ZMYND12: variants seen among roughly 807,000 people sequenced by gnomAD.
The protein encoded by ZMYND12 is zinc finger MYND domain-containing protein 12.
A neutral mutation model predicts 41.7 loss-of-function variants in ZMYND12; 32 were observed. The observed-to-expected ratio is 0.77, with a 90% CI of 0.58 to 1.03. The LOEUF is 1.03. Ranked by LOEUF, ZMYND12 falls within the 50% of genes least tolerant of loss-of-function variation. The probability of loss-of-function intolerance (pLI) is 0.00; values close to 1 mark genes in which losing one functional copy is unlikely to be tolerated. For missense variants in ZMYND12, 424 were observed against 438.5 expected, an observed-to-expected ratio of 0.97 and a Z score of 0.30; for synonymous variants, 148 against 164.8, an observed-to-expected ratio of 0.90 and a Z score of 0.78.
intron 3 of ZMYND12, among the ~76,000 whole-genome samples, 162 bp from the exon 4 acceptor site, chr1:42,440,187 TAA>T (rs56897340): frequency 3.0e-5 from 4 of 133,528 alleles, no homozygotes; most frequent in African/African-American, 5.5e-5. Flanking sequence ...TTTGGAAGAG[TAA>T]AAAAAAAAAA....
intron 3 of ZMYND12, among the ~76,000 whole-genome samples, chr1:42,447,155 G>T (rs1209393201): frequency 6.6e-6 from 1 of 152,188 alleles, no homozygotes; most frequent in African/African-American, 2.4e-5. Context: ...TAACATTACA[G>T]GGAGGAAGAC....
chr1:42,438,736 G>T (rs1388320896), intron 4 of ZMYND12, among the ~76,000 whole-genome samples: 2 of 152,154 alleles, frequency 1.3e-5, no homozygotes, highest in African/African-American at 4.8e-5. Flanking sequence ...AGAATAACCA[G>T]CGTAAAATTT....
chr1:42,442,786 G>A (rs1642984315), intron 3 of ZMYND12, among the ~76,000 whole-genome samples: 1 of 152,172 alleles, frequency 6.6e-6, no homozygotes, highest in Non-Finnish European at 1.5e-5. Context: ...AAGGAAAAGA[G>A]ATGAAGAGGA....
intron 6 of ZMYND12, among the ~76,000 whole-genome samples, chr1:42,434,612 TC>T (rs1202446988): frequency 1.3e-5 from 2 of 151,912 alleles, no homozygotes; most frequent in Non-Finnish European, 2.9e-5. Context: ...CATCAGATTC[TC>T]TTAGGAGCGT....
chr1:42,430,613 T>A lies in ZMYND12; in HGVS notation c.*123A>T. Reference sequence around the variant, plus strand: ...AAAAAAATAACAGCTATGTGTGCAATCCCAGGGGAAGAGGGTGGAAACTTC... The same window carrying A: ...AAAAAAATAACAGCTATGTGTGCAAACCCAGGGGAAGAGGGTGGAAACTTC... On this transcript the variant is annotated 3_prime_UTR_variant, in exon 8 of 8. Transcript: ENST00000372565. 7.7e-7 allele frequency: 1 copy of A among 1,300,918 alleles called. No individual in the cohort carries two copies. The allele number at this position is 1,300,918 out of a possible 1,614,324, so 80.6% of individuals were successfully genotyped here. A position where few individuals can be genotyped will look rare whatever the true frequency, so the allele number is the denominator to read the frequency against.
chr1:42,453,409 A>C (rs1643107842), intron 1 of ZMYND12, among the ~76,000 whole-genome samples: 1 of 152,190 alleles, frequency 6.6e-6, no homozygotes, highest in African/African-American at 2.4e-5. Context: ...TTTGCTAGAG[A>C]CTATGGGGCA....
intron 4 of ZMYND12, among the ~76,000 whole-genome samples, chr1:42,437,497 G>A (rs973798047): frequency 2.8e-5 from 4 of 142,858 alleles, no homozygotes; most frequent in African/African-American, 1.0e-4. Context: ...GCTAGGCTAA[G>A]GAATCTGAGC....
intron 3 of ZMYND12, among the ~76,000 whole-genome samples, chr1:42,446,582 G>A (rs1307955919): frequency 2.6e-5 from 4 of 151,590 alleles, no homozygotes; most frequent in Non-Finnish European, 5.9e-5. Flanking sequence ...AACCAGGGAG[G>A]TGGAGGCTGC....
chr1:42,450,845 T>C (rs1643076365), intron 1 of ZMYND12, among the ~76,000 whole-genome samples: 1 of 152,232 alleles, frequency 6.6e-6, no homozygotes, highest in Non-Finnish European at 1.5e-5. Flanking sequence ...CTTCTGTGAC[T>C]CATTGGTTAA....
intron 6 of ZMYND12, among the ~76,000 whole-genome samples, chr1:42,434,341 T>C (rs1259389860): frequency 1.3e-5 from 2 of 152,154 alleles, no homozygotes; most frequent in Non-Finnish European, 2.9e-5. Flanking sequence ...CACTGTTCAG[T>C]AAAGCATGAA....
chr1:42,438,576 T>TACTCTCCACTCCCCTACTATGCCTTCC (rs1215598201), intron 4 of ZMYND12, among the ~76,000 whole-genome samples: 2 of 152,036 alleles, frequency 1.3e-5, no homozygotes. Context: ...TTTCTCCTCC[T>TACTCTCCACTCCCCTACTATGCCTTCC]ACTCTCCACT....
At chr1:42,433,777 C>T (rs1204878566) in intron 6 of ZMYND12, among the ~76,000 whole-genome samples, 2 of 152,166 alleles carry the variant, frequency 1.3e-5, no homozygotes, top group Non-Finnish European at 2.9e-5. Flanking sequence ...TTCATGCTTC[C>T]CTCTGAGAGT....
In ZMYND12 at chr1:42,430,420, A is replaced by G. The variant is rs772934534; in HGVS notation, c.*316T>C. 8.6e-6 allele frequency: 2 copies of G among 232,886 alleles called. No homozygotes were observed. The highest frequency in any genetic ancestry group is 1.7e-5 in the Non-Finnish European group (2 of 118,040). The allele number at this position is 232,886 out of a possible 1,614,324, so 14.4% of individuals were successfully genotyped here. A position where few individuals can be genotyped will look rare whatever the true frequency, so the allele number is the denominator to read the frequency against. On this transcript the variant is annotated 3_prime_UTR_variant, in exon 8 of 8. Coordinates refer to ENST00000372565, the MANE Select transcript of ZMYND12 (RefSeq NM_032257.5). ...CATGCATCGTTGGAAGACTTCTGGG[A>G]AATGACAAACTATTTGTAGTTTAAT... is the stretch of plus-strand genomic sequence containing the variant.
intron 1 of ZMYND12, among the ~76,000 whole-genome samples, chr1:42,451,879 G>C (rs532221497): frequency 6.6e-6 from 1 of 152,188 alleles, no homozygotes; most frequent in Non-Finnish European, 1.5e-5. Flanking sequence ...AACATATCTT[G>C]CCTTTCTAAA....
intron 3 of ZMYND12, among the ~76,000 whole-genome samples, chr1:42,441,684 G>C (rs902422900): frequency 6.6e-6 from 1 of 151,900 alleles, no homozygotes; most frequent in Non-Finnish European, 1.5e-5. Context: ...GCAGTGGCGG[G>C]ATCTCGGCTC....
rs777679118 is a variant in ZMYND12, at chr1:42,433,253, T to A, written c.865A>T (p.Thr289Ser). Residue 289 changes from threonine (T) to serine (S), a missense_variant, in exon 7 of 8, where the codon ACT (threonine) becomes TCT (serine). Coordinates refer to ENST00000372565, the MANE Select transcript of ZMYND12 (RefSeq NM_032257.5). ...AQEAEAIRIL[T>S]SILNIRESTS... Reference sequence around the variant, plus strand: ...GATTCTCGAATGTTCAAGATTGAAGTCAGGATGCGAATGGCTTCTGCTTCT... The same window carrying A: ...GATTCTCGAATGTTCAAGATTGAAGACAGGATGCGAATGGCTTCTGCTTCT... The A allele has an allele frequency of 6.2e-7, 1 of 1,610,270 alleles. No individual in the cohort carries two copies.
intron 1 of ZMYND12, among the ~76,000 whole-genome samples, chr1:42,452,218 A>G (rs1027773397): frequency 2.0e-5 from 3 of 152,150 alleles, no homozygotes; most frequent in Admixed American, 6.5e-5. Flanking sequence ...TGACATATGA[A>G]GCGCAAATTT....
intron 3 of ZMYND12, among the ~76,000 whole-genome samples, chr1:42,443,810 T>C (rs933492683): frequency 9.9e-5 from 15 of 152,148 alleles, no homozygotes; most frequent in African/African-American, 3.4e-4. Context: ...TGATGCTCAA[T>C]GCACACTAAG....
intron 6 of ZMYND12, among the ~76,000 whole-genome samples, chr1:42,434,511 T>G (rs1008514561): frequency 1.3e-5 from 2 of 152,018 alleles, no homozygotes; most frequent in Admixed American, 1.3e-4. Flanking sequence ...GCAGGGGTGG[T>G]AGGGGCGAGT....
Sources: gnomAD v4.1 joint callset for allele counts (sites outside exome capture counted in the v4.1 genomes callset) on GRCh38, gnomAD v4.1.1 for gene constraint, MANE v1.5 for transcripts, NCBI Gene and HGNC (gene_info 2026-07-23, HGNC 2026-07-21) for gene names.